AMY2B: variants seen among roughly 807,000 people sequenced by gnomAD.
The protein encoded by AMY2B is alpha-amylase 2B.
A neutral mutation model predicts 59.3 loss-of-function variants in AMY2B; 63 were observed. The ratio of observed to expected loss-of-function variants is 1.06; its 90% CI spans 0.87 to 1.31. AMY2B has a LOEUF of 1.31. AMY2B is among the 50% of genes most tolerant of loss of function. The pLI is 0.00. For missense variants in AMY2B, 635 were observed against 626.7 expected, an observed-to-expected ratio of 1.01 and a Z score of -0.14; for synonymous variants, 180 against 198.1, an observed-to-expected ratio of 0.91 and a Z score of 0.77.
intron 1 of AMY2B, among the ~76,000 whole-genome samples, chr1:103,557,621 C>G (rs1651601146): frequency 6.6e-6 from 1 of 151,140 alleles, no homozygotes; most frequent in Non-Finnish European, 1.5e-5. Context: ...CCACTGCACT[C>G]CAGCTTCAGT....
chr1:103,557,012 T>C (rs1215973059), intron 1 of AMY2B, among the ~76,000 whole-genome samples: 1 of 151,894 alleles, frequency 6.6e-6, no homozygotes, highest in Non-Finnish European at 1.5e-5. Flanking sequence ...GAGATACAAC[T>C]GATGATTTTC....
At chr1:103,575,150 A>G in intron 5 of AMY2B, 73 bp from the exon 6 acceptor site, 1 of 1,604,912 alleles carries the variant, frequency 6.2e-7, no homozygotes, top group Non-Finnish European at 8.5e-7. Context: ...ATGCAGAAAG[A>G]GATGCACAGT....
upstream of AMY2B, chr1:103,570,451 G>A: frequency 2.7e-6 from 2 of 754,596 alleles, no homozygotes; most frequent in Non-Finnish European, 4.7e-6. Context: ...GTGCTATCTG[G>A]TGGCAACATG....
At chr1:103,571,459 G>C (rs527379523), upstream of AMY2B, 16 of 1,485,980 alleles carry the variant, frequency 1.1e-5, no homozygotes, top group East Asian at 3.0e-4. Context: ...CTCCTGTTAG[G>C]ATTATTATTG....
At chr1:103,558,004 C>T (rs1651613727) in intron 1 of AMY2B, among the ~76,000 whole-genome samples, 1 of 152,070 alleles carries the variant, frequency 6.6e-6, no homozygotes, top group Non-Finnish European at 1.5e-5. Flanking sequence ...ATGTTCACTC[C>T]AATGAAAATT....
rs766776510 is a variant in AMY2B at position 103,572,251 on chromosome 1, G to T, written c.310G>T (p.Val104Phe). ...FRNMVTRCNN[V>F]GVRIYVDAVI... ...AAACATGGTGACTAGATGTAACAAT[G>T]TTGGGGTAAGTGAATTCTAGTTTCC... Residue 104 changes from valine to phenylalanine, a missense_variant, in exon 2 of 10, where the codon GTT (valine) becomes TTT (phenylalanine). Physicochemically the swap from Val to Phe is conservative, Grantham distance 50 (BLOSUM62 -1). Coordinates refer to ENST00000684275, the MANE Select transcript of AMY2B (RefSeq NM_001387437.1). 1 of 1,609,954 alleles carries T rather than the reference G, an allele frequency of 6.2e-7. No homozygotes were observed. The highest frequency in any genetic ancestry group is 1.3e-5 in the African/African-American group (1 of 74,830).
chr1:103,563,021 C>T (rs1411111068), intron 1 of AMY2B, among the ~76,000 whole-genome samples: 1 of 151,918 alleles, frequency 6.6e-6, no homozygotes, highest in Non-Finnish European at 1.5e-5. Context: ...AAATAGATAC[C>T]TCATATATGA....
At chr1:103,564,545 T>C (rs1458528891) in intron 1 of AMY2B, among the ~76,000 whole-genome samples, 2 of 152,180 alleles carry the variant, frequency 1.3e-5, no homozygotes, top group Non-Finnish European at 2.9e-5. Context: ...TCCTACTCCC[T>C]GTACCCCATC....
At chr1:103,570,972 G>T (rs1274060835), upstream of AMY2B, 2 of 352,886 alleles carry the variant, frequency 5.7e-6, no homozygotes, top group Non-Finnish European at 1.1e-5. Context: ...TGGAAGACAA[G>T]TCTGGCTTGG....
chr1:103,578,705 G>C, intron 9 of AMY2B, among the ~76,000 whole-genome samples: 1 of 151,920 alleles, frequency 6.6e-6, no homozygotes, highest in Non-Finnish European at 1.5e-5. Context: ...TTGTGAGAAA[G>C]CTTTATATTT....
chr1:103,573,585 C>G, intron 3 of AMY2B, 123 bp from the exon 4 acceptor site: 2 of 1,433,296 alleles, frequency 1.4e-6, no homozygotes, highest in South Asian at 2.5e-5. Context: ...TCCCCAGCGC[C>G]CAATGCAAGG....
intron 9 of AMY2B, 57 bp downstream of exon 9, chr1:103,577,902 C>CT (rs1557772434): frequency 1.9e-6 from 3 of 1,589,142 alleles, no homozygotes; most frequent in South Asian, 1.1e-5. Context: ...TGGTTTATTC[C>CT]TTTTTTTCTG....
chr1:103,577,890 C>T, intron 9 of AMY2B, 45 bp downstream of exon 9: 1 of 1,593,090 alleles, frequency 6.3e-7, no homozygotes, highest in Non-Finnish European at 8.5e-7. Context: ...CCTGTATGCT[C>T]TTGGTTTATT....
chr1:103,576,047 A>G (rs560229884), intron 7 of AMY2B, among the ~76,000 whole-genome samples: 8 of 152,232 alleles, frequency 5.3e-5, no homozygotes, highest in Non-Finnish European at 8.8e-5. Flanking sequence ...GTACTAAAGA[A>G]TGGAAATTTA....
chr1:103,574,518 A>T, intron 5 of AMY2B, 125 bp downstream of exon 5: 14 of 1,552,192 alleles, frequency 9.0e-6, no homozygotes, highest in African/African-American at 1.4e-5. Context: ...GTTAATGATA[A>T]GTATTCTAGT....
chr1:103,575,914 A>G (rs868089771), intron 7 of AMY2B: 12 of 180,646 alleles, frequency 6.6e-5, no homozygotes, highest in Admixed American at 4.5e-4. Context: ...TCATCTGCCC[A>G]CAGTAAGAAC....
chr1:103,565,772 A>C (rs1028978751), intron 2 of AMY2B, among the ~76,000 whole-genome samples: 10 of 152,278 alleles, frequency 6.6e-5, no homozygotes, highest in South Asian at 2.1e-4. Context: ...GATACTGGGA[A>C]GTGTCATTCA....
At chr1:103,570,147 C>A (rs1412887723), upstream of AMY2B, 3 of 456,386 alleles carry the variant, frequency 6.6e-6, no homozygotes, top group Non-Finnish European at 1.3e-5. Context: ...TTGGCTATAG[C>A]TTCAGCACCA....
chr1:103,573,642 A>C, intron 3 of AMY2B, 66 bp from the exon 4 acceptor site: 1 of 1,599,362 alleles, frequency 6.3e-7, no homozygotes, highest in Non-Finnish European at 8.6e-7. Flanking sequence ...TAAATGAATA[A>C]TCAAATGGAT....
Sources: allele counts gnomAD v4.1 joint callset (sites outside exome capture counted in the v4.1 genomes callset), GRCh38; gene constraint gnomAD v4.1.1; transcripts MANE v1.5; gene names NCBI Gene and HGNC (gene_info 2026-07-23, HGNC 2026-07-21).